The following FOXP2 variants were observed in gnomAD, a reference collection of about 807,000 sequenced individuals.
FOXP2 encodes the protein forkhead box protein P2.
A neutral mutation model predicts 115.8 loss-of-function variants in FOXP2; 12 were observed. That is an observed-to-expected ratio of 0.10 (90% confidence interval 0.07 to 0.17). The LOEUF (loss-of-function observed/expected upper bound fraction) is 0.17. Among genes scored for constraint, FOXP2 ranks in the 10% least tolerant of loss-of-function variants. The probability of loss-of-function intolerance (pLI) is 1.00; values close to 1 mark genes in which losing one functional copy is unlikely to be tolerated. For missense variants in FOXP2, 629 were observed against 843.5 expected (o/e 0.75, Z 3.15); for synonymous variants, 328 against 297.7 (o/e 1.10, Z -1.05).
chr7:114,619,049 G>A (rs1237347152), intron 3 of FOXP2, among the ~76,000 whole-genome samples: 1 of 152,132 alleles, frequency 6.6e-6, no homozygotes, highest in Admixed American at 6.6e-5. Context: ...CTTGAACAAA[G>A]TGACAAAGCA....
intron 2 of FOXP2, among the ~76,000 whole-genome samples, chr7:114,511,204 A>G (rs1798053138): frequency 6.6e-6 from 1 of 151,192 alleles, no homozygotes; most frequent in South Asian, 2.1e-4. Context: ...AGGGCCTGTC[A>G]GGGGGTGGGG....
intron 3 of FOXP2, among the ~76,000 whole-genome samples, chr7:114,570,289 A>G (rs2129295629): frequency 6.6e-6 from 1 of 152,058 alleles, no homozygotes; most frequent in South Asian, 2.1e-4. Context: ...TTTTTATATA[A>G]TAATGCATAA....
intron 3 of FOXP2, among the ~76,000 whole-genome samples, chr7:114,563,601 T>C (rs1003398177): frequency 6.6e-5 from 10 of 152,198 alleles, no homozygotes; most frequent in Non-Finnish European, 1.3e-4. Flanking sequence ...ACTACTCCTT[T>C]AGATGACCTC....
At chr7:114,349,698 T>C (rs532507216) in intron 2 of FOXP2, among the ~76,000 whole-genome samples, 1 of 151,860 alleles carries the variant, frequency 6.6e-6, no homozygotes, top group African/African-American at 2.4e-5. Context: ...TGTTCTGCCT[T>C]AGATCTTCAC....
chr7:114,143,383 C>T (rs1449298459), intron 1 of FOXP2, among the ~76,000 whole-genome samples: 2 of 151,896 alleles, frequency 1.3e-5, no homozygotes, highest in African/African-American at 4.8e-5. Context: ...TTTGCCCTTG[C>T]TCCTAAAAAA....
At chr7:114,238,914 ATAT>A (rs1213899722) in intron 1 of FOXP2, among the ~76,000 whole-genome samples, 1 of 149,076 alleles carries the variant, frequency 6.7e-6, no homozygotes, top group African/African-American at 2.4e-5. Context: ...ATATATGTGT[ATAT>A]TATTATATAT....
intron 1 of FOXP2, among the ~76,000 whole-genome samples, chr7:114,102,012 G>T (rs1330599130): frequency 1.3e-5 from 2 of 151,184 alleles, no homozygotes; most frequent in East Asian, 3.9e-4. Context: ...TCACCAAACA[G>T]AAGATCATCC....
At chr7:114,444,730 A>G (rs146974691) in intron 2 of FOXP2, among the ~76,000 whole-genome samples, 509 of 152,280 alleles carry the variant, frequency 3.3e-3, no homozygotes, top group African/African-American at 0.012. Context: ...TATATTTCAA[A>G]TTCTGTATAA....
intron 1 of FOXP2, among the ~76,000 whole-genome samples, chr7:114,184,919 G>T (rs1048772522): frequency 2.0e-5 from 3 of 152,110 alleles, no homozygotes; most frequent in East Asian, 1.9e-4. Context: ...TAGCTAGGAG[G>T]TTAAAATTCT....
At chr7:114,646,581 G>A (rs1318499810) in intron 8 of FOXP2, among the ~76,000 whole-genome samples, 1 of 151,880 alleles carries the variant, frequency 6.6e-6, no homozygotes, top group Non-Finnish European at 1.5e-5. Flanking sequence ...AACTTTATAG[G>A]GATGACAGAA....
intron 2 of FOXP2, among the ~76,000 whole-genome samples, chr7:114,338,648 T>C (rs1411349472): frequency 6.6e-6 from 1 of 151,034 alleles, no homozygotes; most frequent in East Asian, 1.9e-4. Flanking sequence ...AATTATTTAT[T>C]TGCAGAGCAT....
intron 1 of FOXP2, among the ~76,000 whole-genome samples, chr7:114,147,095 CT>C (rs1364191953): frequency 1.3e-5 from 2 of 152,082 alleles, no homozygotes; most frequent in East Asian, 3.9e-4. Context: ...TGGAATAAGA[CT>C]TGGTATGTGA....
chr7:114,326,410 A>C (rs1162832829), intron 2 of FOXP2, among the ~76,000 whole-genome samples: 1 of 152,138 alleles, frequency 6.6e-6, no homozygotes, highest in Non-Finnish European at 1.5e-5. Context: ...GGTTTAGAAA[A>C]AGTGAATGGG....
rs530993983 is a variant in FOXP2 at position 114,615,876 on chromosome 7, CT to C, written c.259-12659del. On this transcript the variant is annotated intron_variant, in intron 3 of 16. Coordinates refer to ENST00000350908, the MANE Select transcript of FOXP2 (RefSeq NM_014491.4). ...CCTTTGATCCTATCAGTTCATGGTC[CT>C]TTTTATTCCTCAGGTTTTAGCTTAA... Among the ~76,000 whole-genome samples, 16 of 152,286 alleles carry C rather than the reference CT, an allele frequency of 1.1e-4. No homozygotes were observed. In the South Asian group the frequency reaches 2.9e-3, roughly 28 times the overall value.
At chr7:114,616,919 A>G (rs1803982332) in intron 3 of FOXP2, among the ~76,000 whole-genome samples, 1 of 152,102 alleles carries the variant, frequency 6.6e-6, no homozygotes, top group Non-Finnish European at 1.5e-5. Context: ...CTCTAAAAAT[A>G]AAAATAAACA....
In FOXP2 at chr7:114,664,305, A is replaced by G; in HGVS notation, c.1872A>G (p.Leu624=). 6.2e-7 allele frequency: 1 copy of G among 1,613,502 alleles called. No individual in the cohort carries two copies. ...AALAESSLPL[L]SNPGLINNAS... is the part of the protein sequence containing the mutation. The stretch of plus-strand genomic sequence containing the variant: ...TGGCAGAGAGCAGTTTACCTTTGCT[A>G]AGTAATCCTGGACTGATAAATAATG... The change falls in exon 16 of 17, where the codon CTA becomes CTG. Residue 624 remains leucine (L), a synonymous_variant. Transcript: ENST00000350908.
intron 3 of FOXP2, among the ~76,000 whole-genome samples, chr7:114,575,906 C>A (rs558182998): frequency 6.6e-5 from 10 of 151,594 alleles, no homozygotes; most frequent in African/African-American, 2.4e-4. Flanking sequence ...TTCACAGTAC[C>A]CTTTTTATAA....
At chr7:114,491,345 A>G (rs1797042764) in intron 2 of FOXP2, among the ~76,000 whole-genome samples, 1 of 151,874 alleles carries the variant, frequency 6.6e-6, no homozygotes, top group Admixed American at 6.6e-5. Context: ...CCACTTTTCG[A>G]TGGGGTTGTT....
intron 3 of FOXP2, among the ~76,000 whole-genome samples, chr7:114,612,332 C>G (rs1803674048): frequency 6.6e-6 from 1 of 151,722 alleles, no homozygotes; most frequent in South Asian, 2.1e-4. Context: ...GTAATGTCAC[C>G]CTTCATATAT....
Sources: gnomAD v4.1 joint callset for allele counts (sites outside exome capture counted in the v4.1 genomes callset) on GRCh38, gnomAD v4.1.1 for gene constraint, MANE v1.5 for transcripts, NCBI Gene and HGNC (gene_info 2026-07-23, HGNC 2026-07-21) for gene names.